The following OBP2B variants were observed in gnomAD, a reference collection of about 807,000 sequenced individuals.
The protein encoded by OBP2B is odorant binding protein 2B, also known as odorant-binding protein 2b.
A neutral mutation model predicts 21.7 loss-of-function variants in OBP2B; 10 were observed. The observed-to-expected ratio is 0.46, with a 90% CI of 0.28 to 0.78. OBP2B has a LOEUF of 0.78. Ranked by LOEUF, OBP2B falls within the 30% of genes least tolerant of loss-of-function variation. The probability of loss-of-function intolerance (pLI) is 0.11; values close to 1 mark genes in which losing one functional copy is unlikely to be tolerated. For synonymous variants in OBP2B, 73 were observed against 91.5 expected (o/e 0.80, Z 1.16); for missense variants, 153 against 217.7 (o/e 0.70, Z 1.87).
At chr9:133,215,979 T>C in the OBP2B span, among the ~76,000 whole-genome samples, 10 of 152,230 alleles carry the variant, frequency 6.6e-5, no homozygotes, top group African/African-American at 2.4e-4. Context: ...CTTAAAACTA[T>C]AAAAGCTTTA....
the OBP2B span, among the ~76,000 whole-genome samples, chr9:133,222,268 A>G: frequency 6.6e-6 from 1 of 152,236 alleles, no homozygotes; most frequent in Admixed American, 6.5e-5. Context: ...GGGTGGCCCC[A>G]GCGCCCTAAA....
At chr9:133,209,740 G>C (rs1833872206), upstream of OBP2B, among the ~76,000 whole-genome samples, 1 of 152,138 alleles carries the variant, frequency 6.6e-6, no homozygotes, top group Non-Finnish European at 1.5e-5. The surrounding 1 kb of genome is among the most constrained non-coding windows in gnomAD (Gnocchi z 6.0). Flanking sequence ...CCCACTCTGG[G>C]ACCCACTCTG....
At chr9:133,221,996 G>A in the OBP2B span, among the ~76,000 whole-genome samples, 5 of 152,276 alleles carry the variant, frequency 3.3e-5, no homozygotes, top group South Asian at 1.0e-3. Context: ...CTTTGCGTGA[G>A]GAGATGAGAC....
At chr9:133,206,510 C>T in intron 4 of OBP2B, 94 bp from the exon 5 acceptor site, 2 of 1,527,208 alleles carry the variant, frequency 1.3e-6, no homozygotes, top group South Asian at 1.2e-5. Flanking sequence ...GGCCCAGCAC[C>T]AGGACAGGGG....
chr9:133,208,217 G>A lies in OBP2B; in HGVS notation c.207-14C>T. ...CTATCCTCCCTCCTGGAAAACAGGA[G>A]ACACGCGGGCAGCGGCTCCCAGGAC... On this transcript the variant is annotated splice_polypyrimidine_tract_variant and intron_variant, in intron 2 of 6. Transcript: ENST00000372034. The A allele has an allele frequency of 6.2e-7, 1 of 1,611,918 alleles. No individual in the cohort carries two copies.
chr9:133,223,232 T>C, the OBP2B span, among the ~76,000 whole-genome samples: 1 of 152,022 alleles, frequency 6.6e-6, no homozygotes, highest in Non-Finnish European at 1.5e-5. This position sits in a 1 kb window ranked among gnomAD's most constrained non-coding sequence, Gnocchi z 4.4. Context: ...CTGCAGGTGA[T>C]TGAAGGGTTC....
intron 5 of OBP2B, 23 bp downstream of exon 5, chr9:133,206,292 G>C (rs1469732327): frequency 6.2e-6 from 10 of 1,605,788 alleles, no homozygotes; most frequent in South Asian, 1.1e-5. Flanking sequence ...GGGACACAGG[G>C]GACTGGGCAC....
At position 133,208,505 on chromosome 9, in the gene OBP2B, A is replaced by G. The variant is rs1320082789; in HGVS notation, c.170T>C (p.Leu57Pro). 6.2e-7 allele frequency: 1 copy of G among 1,613,886 alleles called. No homozygotes were observed. The highest frequency in any genetic ancestry group is 2.2e-5 in the East Asian group (1 of 44,876). The change falls in exon 2 of 7, where the codon CTG (leucine) becomes CCG (proline). Residue 57 changes from leucine to proline, a missense_variant. By Grantham distance (98) the Leu-to-Pro change is moderately conservative. This residue lies in a region of OBP2B where 151 missense variants were observed against 186.3 expected (regional missense o/e 0.81). Transcript: ENST00000372034. ...CGTGGCTTCCAACTTCCCACCGCCC[A>G]GGGCTGTCACCTTCACTGGGGACAC... is the stretch of plus-strand genomic sequence containing the variant. Reference protein sequence around the residue: ...RKVSPVKVTALGGGKLEATFT... With the variant: ...RKVSPVKVTAPGGGKLEATFT...
intron 3 of OBP2B, chr9:133,207,729 T>A: frequency 2.9e-6 from 2 of 680,830 alleles, no homozygotes; most frequent in South Asian, 1.5e-5. Flanking sequence ...AGCTTCCCGA[T>A]CCCTAACCCT....
the OBP2B span, among the ~76,000 whole-genome samples, chr9:133,221,534 A>G: frequency 2.9e-3 from 447 of 152,328 alleles, 3 homozygotes; most frequent in African/African-American, 0.01. Flanking sequence ...TGGGAAGCCA[A>G]CTGGCTGCTG....
chr9:133,207,047 T>C (rs1274396387), intron 4 of OBP2B, among the ~76,000 whole-genome samples, 179 bp downstream of exon 4: 1 of 152,108 alleles, frequency 6.6e-6, no homozygotes, highest in African/African-American at 2.4e-5. Flanking sequence ...TGTCCCTGCC[T>C]GGCCCATCCC....
At chr9:133,216,272 A>C in the OBP2B span, among the ~76,000 whole-genome samples, 1 of 151,338 alleles carries the variant, frequency 6.6e-6, no homozygotes, top group East Asian at 1.9e-4. Context: ...AAAAGACATG[A>C]AGGGACACTT....
chr9:133,206,778 A>C (rs1833729173), intron 4 of OBP2B, among the ~76,000 whole-genome samples: 1 of 151,984 alleles, frequency 6.6e-6, no homozygotes, highest in East Asian at 2.0e-4. Flanking sequence ...GAAGGGGGAC[A>C]GTGGCGGGGA....
the OBP2B span, among the ~76,000 whole-genome samples, chr9:133,222,327 G>A: frequency 6.6e-6 from 1 of 152,346 alleles, no homozygotes. Flanking sequence ...GTGTGTCCTG[G>A]CCAGCACCCA....
upstream of OBP2B, among the ~76,000 whole-genome samples, chr9:133,210,201 C>T (rs1833886585): frequency 6.6e-6 from 1 of 152,172 alleles, no homozygotes; most frequent in African/African-American, 2.4e-5. Context: ...CCTTCTCCCT[C>T]CCGGACCCTG....
intron 4 of OBP2B, 107 bp downstream of exon 4, chr9:133,207,118 CA>C (rs1185613057): frequency 1.1e-5 from 9 of 789,650 alleles, no homozygotes; most frequent in Non-Finnish European, 1.9e-5. Flanking sequence ...AAAGCCGGCA[CA>C]GGGGGCTTCC....
chr9:133,209,406 T>C (rs2119403879), upstream of OBP2B, among the ~76,000 whole-genome samples: 1 of 152,220 alleles, frequency 6.6e-6, no homozygotes, highest in Middle Eastern at 3.4e-3. This position sits in a 1 kb window ranked among gnomAD's most constrained non-coding sequence, Gnocchi z 6.0. Flanking sequence ...AGCAAGTCAG[T>C]GCCAGCCAGA....
chr9:133,207,144 A>T (rs1416211368), intron 4 of OBP2B, 82 bp downstream of exon 4: 1 of 973,618 alleles, frequency 1.0e-6, no homozygotes, highest in African/African-American at 1.6e-5. Context: ...CCCCCATGCC[A>T]GGGCATGGTG....
upstream of OBP2B, among the ~76,000 whole-genome samples, chr9:133,211,504 T>G (rs549112484): frequency 1.4e-4 from 21 of 152,336 alleles, no homozygotes; most frequent in African/African-American, 4.6e-4. Flanking sequence ...TGCCTGCACC[T>G]TTTCTTCTGT....
Sources: gnomAD v4.1 joint callset for allele counts (sites outside exome capture counted in the v4.1 genomes callset) on GRCh38, gnomAD v4.1.1 for gene constraint, gnomAD v4.1.1 regional missense constraint, Gnocchi (gnomAD v3.1) non-coding constraint, MANE v1.5 for transcripts, NCBI Gene and HGNC (gene_info 2026-07-23, HGNC 2026-07-21) for gene names.